Variants in PREP observed in about 807,000 individuals in gnomAD.
The protein encoded by PREP is dJ355L5.1 (prolyl endopeptidase).
PREP carries 29 observed loss-of-function variants against 87.6 expected under a neutral mutation model. That is an observed-to-expected ratio of 0.33 (90% CI 0.25 to 0.45). The LOEUF is 0.45. Among genes scored for constraint, PREP ranks in the 20% least tolerant of loss-of-function variants. The pLI is 1.00. For synonymous variants in PREP, 337 were observed against 328.6 expected (o/e 1.03, Z -0.28); for missense variants, 695 against 886.5 (o/e 0.78, Z 2.74).
At chr6:105,300,901 C>T (rs1163528357) in intron 10 of PREP, among the ~76,000 whole-genome samples, 1 of 152,182 alleles carries the variant, frequency 6.6e-6, no homozygotes, top group African/African-American at 2.4e-5. Context: ...CATTACTGTT[C>T]CTTCAAATCA....
chr6:105,371,714 T>C (rs111921751), intron 5 of PREP, among the ~76,000 whole-genome samples: 13 of 152,172 alleles, frequency 8.5e-5, no homozygotes, highest in African/African-American at 2.2e-4. Context: ...GTGATTGTCA[T>C]TGAGCTTTCA....
At chr6:105,295,675 A>C (rs1770395139) in intron 10 of PREP, among the ~76,000 whole-genome samples, 1 of 152,176 alleles carries the variant, frequency 6.6e-6, no homozygotes, top group African/African-American at 2.4e-5. Context: ...GATTGCATAG[A>C]GACACGCCTA....
chr6:105,372,120 T>C (rs952978829), intron 5 of PREP, among the ~76,000 whole-genome samples: 2 of 151,960 alleles, frequency 1.3e-5, no homozygotes, highest in African/African-American at 4.8e-5. Context: ...AAAAAGGTCT[T>C]GATGTAGCCT....
At chr6:105,282,387 T>TG (rs1180203815) in intron 13 of PREP, 64 bp downstream of exon 13, 235 of 1,551,970 alleles carry the variant, frequency 1.5e-4, no homozygotes, top group Non-Finnish European at 1.6e-4. Context: ...TGCCTACAGA[T>TG]GGTGTATCTG....
At chr6:105,317,566 C>T (rs1008265875) in intron 10 of PREP, among the ~76,000 whole-genome samples, 4 of 152,146 alleles carry the variant, frequency 2.6e-5, no homozygotes, top group African/African-American at 9.7e-5. Flanking sequence ...GCAAAGGAGG[C>T]AGCTATGAAA....
intron 10 of PREP, chr6:105,302,555 G>A: frequency 2.5e-6 from 1 of 396,612 alleles, no homozygotes. Context: ...AGTGGCGCAG[G>A]CGCATGTTTT....
chr6:105,300,015 G>A (rs1297433161), intron 10 of PREP, among the ~76,000 whole-genome samples: 4 of 151,834 alleles, frequency 2.6e-5, no homozygotes, highest in African/African-American at 9.7e-5. Context: ...TCCTGCCTCA[G>A]CCTCCTGAGT....
intron 10 of PREP, among the ~76,000 whole-genome samples, chr6:105,306,508 G>GT (rs1368515626): frequency 5.9e-5 from 9 of 152,026 alleles, no homozygotes; most frequent in Non-Finnish European, 1.3e-4. Flanking sequence ...ACATTGACTG[G>GT]CCCCTCTCAT....
At chr6:105,360,926 T>C (rs1040061123) in intron 6 of PREP, among the ~76,000 whole-genome samples, 3 of 152,106 alleles carry the variant, frequency 2.0e-5, no homozygotes, top group South Asian at 2.1e-4. Context: ...TTGAAGGCTT[T>C]ACACACACAC....
At chr6:105,387,489 G>A (rs1261330730) in intron 2 of PREP, among the ~76,000 whole-genome samples, 2 of 152,012 alleles carry the variant, frequency 1.3e-5, no homozygotes, top group Non-Finnish European at 2.9e-5. Context: ...CAATGGGGCT[G>A]GAGTCTTCGC....
intron 11 of PREP, among the ~76,000 whole-genome samples, chr6:105,286,266 A>T (rs1181305984): frequency 1.3e-5 from 2 of 152,168 alleles, no homozygotes; most frequent in Non-Finnish European, 2.9e-5. Flanking sequence ...CTTTCTCCAA[A>T]CTGTTTTAAG....
chr6:105,366,242 G>A (rs888071169), intron 6 of PREP, among the ~76,000 whole-genome samples: 1 of 152,164 alleles, frequency 6.6e-6, no homozygotes, highest in Non-Finnish European at 1.5e-5. Context: ...GGGCGACAGA[G>A]CGAGACTCCA....
Position 105,328,904 on chromosome 6 carries a change from C to T in PREP, c.1138G>A (p.Gly380Ser), listed in dbSNP as rs548769535. 71 of 1,614,034 alleles carry T rather than the reference C, an allele frequency of 4.4e-5. 1 individual carries two copies. Among genetic ancestry groups the T allele is most frequent in the Admixed American group, 1.5e-4 (9 of 60,014 alleles). The change falls in exon 9 of 15, where the codon GGC becomes AGC. Residue 380 changes from glycine (G) to serine (S), a missense_variant. Gly to Ser is a moderately conservative substitution (Grantham distance 56). Transcript: ENST00000652536. ...ALLKTFPLDV[G>S]SIVGYSGQKK... ...TGACCGCTGTACCCTACAATGCTGC[C>T]GACATCGAGCGGGAAGGTCTTAAGG...
intron 7 of PREP, among the ~76,000 whole-genome samples, chr6:105,350,781 A>G (rs1332925842): frequency 6.6e-6 from 1 of 152,242 alleles, no homozygotes; most frequent in Non-Finnish European, 1.5e-5. Flanking sequence ...ATTCAAAAGA[A>G]TTACTCTGAA....
intron 7 of PREP, among the ~76,000 whole-genome samples, chr6:105,343,505 A>C (rs1166063462): frequency 6.6e-6 from 1 of 152,260 alleles, no homozygotes; most frequent in African/African-American, 2.4e-5. Flanking sequence ...AGCAATGCCA[A>C]CAGAAGCCAA....
At chr6:105,356,274 G>A (rs1043305399) in intron 6 of PREP, among the ~76,000 whole-genome samples, 4 of 152,268 alleles carry the variant, frequency 2.6e-5, no homozygotes, top group East Asian at 3.9e-4. Flanking sequence ...CAGCCCCACT[G>A]CTAAGGCATA....
intron 2 of PREP, among the ~76,000 whole-genome samples, chr6:105,394,822 A>C (rs1773248080): frequency 6.6e-6 from 1 of 152,214 alleles, no homozygotes; most frequent in Non-Finnish European, 1.5e-5. Context: ...ATAATGAAAA[A>C]GGAACCCATT....
chr6:105,282,361 A>G, intron 13 of PREP, 90 bp downstream of exon 13: 1 of 1,476,808 alleles, frequency 6.8e-7, no homozygotes, highest in African/African-American at 1.4e-5. Flanking sequence ...CCTATCCACA[A>G]AGTTAAGTCA....
intron 10 of PREP, among the ~76,000 whole-genome samples, chr6:105,292,490 G>C (rs1770315884): frequency 6.6e-6 from 1 of 152,124 alleles, no homozygotes; most frequent in Non-Finnish European, 1.5e-5. Flanking sequence ...CTAAAATCTT[G>C]AGTAAACCTT....
Sources: allele counts gnomAD v4.1 joint callset (sites outside exome capture counted in the v4.1 genomes callset), GRCh38; gene constraint gnomAD v4.1.1; transcripts MANE v1.5; gene names NCBI Gene and HGNC (gene_info 2026-07-23, HGNC 2026-07-21).